Variants in DPP3 observed in about 807,000 individuals in gnomAD.
The protein encoded by DPP3 is dipeptidyl peptidase 3, also known as DPP III.
DPP3 carries 64 observed loss-of-function variants against 89.8 expected under a neutral mutation model. That is an observed-to-expected ratio of 0.71 (90% CI 0.58 to 0.88). The LOEUF is 0.88. Among genes scored for constraint, DPP3 ranks in the 40% least tolerant of loss-of-function variants. The pLI, the probability that DPP3 is intolerant of heterozygous loss-of-function variation, is 0.00. For synonymous variants in DPP3, 377 were observed against 404.3 expected, an observed-to-expected ratio of 0.93 and a Z score of 0.81; for missense variants, 835 against 972.5, an observed-to-expected ratio of 0.86 and a Z score of 1.88.
At chr11:66,484,380 G>T (rs1441057294) in intron 2 of DPP3, among the ~76,000 whole-genome samples, 1 of 152,124 alleles carries the variant, frequency 6.6e-6, no homozygotes, top group African/African-American at 2.4e-5. Flanking sequence ...TCCAGGTCTA[G>T]AGGAAGTTTC....
intron 17 of DPP3, among the ~76,000 whole-genome samples, chr11:66,507,563 G>A (rs559238829): frequency 6.6e-6 from 1 of 152,246 alleles, no homozygotes; most frequent in African/African-American, 2.4e-5. Context: ...ACACTTAGAG[G>A]AGGGAAGATC....
At position 66,497,432 on chromosome 11, in the gene DPP3, G is replaced by C. The variant is rs1160344384; in HGVS notation, c.1833G>C (p.Arg611=). ...ARVRLDRSKI[R]SVGKPALERF... The stretch of plus-strand genomic sequence containing the variant: ...TCCGCCTCGACCGCAGCAAGATCCG[G>C]TCTGTGGGCAAGCCTGCTCTAGAGC... The change falls in exon 16 of 18, where the codon CGG becomes CGC. Residue 611 remains arginine, a synonymous_variant. Coordinates refer to ENST00000531863, the MANE Select transcript of DPP3 (RefSeq NM_130443.4). 1 of 1,614,024 alleles carries C rather than the reference G, an allele frequency of 6.2e-7. No homozygotes were observed. The highest frequency in any genetic ancestry group is 1.7e-5 in the Admixed American group (1 of 60,034).
chr11:66,480,581 A>G, intron 1 of DPP3, 116 bp downstream of exon 1: 2 of 1,222,590 alleles, frequency 1.6e-6, no homozygotes, highest in Non-Finnish European at 2.2e-6. Flanking sequence ...TACCCCCTCC[A>G]AATTCACCCC....
chr11:66,501,396 AGAG>A (rs1221263696), intron 16 of DPP3, among the ~76,000 whole-genome samples: 2 of 151,984 alleles, frequency 1.3e-5, no homozygotes, highest in African/African-American at 2.4e-5. Context: ...CATGAACAGT[AGAG>A]GAGATGAAGT....
intron 16 of DPP3, among the ~76,000 whole-genome samples, chr11:66,498,507 G>A (rs936261961): frequency 1.3e-5 from 2 of 152,208 alleles, no homozygotes; most frequent in Admixed American, 1.3e-4. Flanking sequence ...GGGATTACAG[G>A]TGTGAGGCAC....
intron 6 of DPP3, among the ~76,000 whole-genome samples, chr11:66,489,418 T>C (rs1283201999): frequency 1.3e-5 from 2 of 152,046 alleles, no homozygotes; most frequent in Admixed American, 1.3e-4. Context: ...GTCTCCCTGG[T>C]GCCTAGCGCT....
rs200178420 is a variant in DPP3 at position 66,491,702 on chromosome 11, A to G, written c.934A>G (p.Ile312Val). 72 of 1,602,260 alleles carry G rather than the reference A, an allele frequency of 4.5e-5. No homozygotes were observed. Among genetic ancestry groups the G allele is most frequent in the Non-Finnish European group, 5.2e-5 (61 of 1,177,946 alleles). Residue 312 changes from isoleucine to valine, a missense_variant, in exon 9 of 18, where the codon ATC becomes GTC. Coordinates refer to ENST00000531863, the MANE Select transcript of DPP3 (RefSeq NM_130443.4). ...CTCTGCCCTTCTCTCCCCCAGTTACATCGGGTTCATCGAGAGCTACCGCGA... is the reference window on the plus strand; with the variant it reads ...CTCTGCCCTTCTCTCCCCCAGTTACGTCGGGTTCATCGAGAGCTACCGCGA... ...QDKGPIVESY[I>V]GFIESYRDPF...
rs1192327159 is a variant in DPP3 at position 66,509,472 on chromosome 11, T to C, written c.*221T>C. ...CTCATTTCATCTGCACTGCCATACG[T>C]GGAGTGAGCAAGACAGGGCTTACCA... On this transcript the variant is annotated 3_prime_UTR_variant, in exon 18 of 18. Coordinates refer to ENST00000531863, the MANE Select transcript of DPP3 (RefSeq NM_130443.4). 7.6e-6 allele frequency: 11 copies of C among 1,446,298 alleles called. No homozygotes were observed. Among genetic ancestry groups the C allele is most frequent in the Non-Finnish European group, 5.6e-6 (6 of 1,065,904 alleles). 89.6% of individuals were successfully genotyped at this position (1,446,298 alleles called of 1,614,324 possible). A position where few individuals can be genotyped will look rare whatever the true frequency, so the allele number is the denominator to read the frequency against.
chr11:66,493,594 C>T lies in DPP3; in HGVS notation c.1350C>T (p.His450=), dbSNP rs200308709. The change falls in exon 12 of 18, where the codon CAC becomes CAT. Residue 450 remains histidine (H), a synonymous_variant. Transcript: ENST00000531863. The part of the protein sequence containing the change: ...GPSFDVQVGL[H]ELLGHGSGKL... ...CCTTCGATGTGCAGGTGGGCCTGCA[C>T]GAGCTGCTGGGCCATGGCAGTGGCA... 1.3e-5 allele frequency: 21 copies of T among 1,612,864 alleles called. No individual in the cohort carries two copies. Among genetic ancestry groups the T allele is most frequent in the East Asian group, 2.2e-5 (1 of 44,890 alleles).
At chr11:66,480,519 A>C (rs929149744) in intron 1 of DPP3, 54 bp downstream of exon 1, 2 of 1,469,142 alleles carry the variant, frequency 1.4e-6, no homozygotes, top group African/African-American at 1.5e-5. Context: ...CCGGGGGACC[A>C]AGGCGAATCC....
chr11:66,507,551 G>C (rs1474293517), intron 17 of DPP3, among the ~76,000 whole-genome samples: 1 of 152,032 alleles, frequency 6.6e-6, no homozygotes, highest in Non-Finnish European at 1.5e-5. Context: ...ACAGAACTCT[G>C]AACACTTAGA....
At chr11:66,496,568 C>T (rs1227653386) in intron 15 of DPP3, among the ~76,000 whole-genome samples, 22 of 152,098 alleles carry the variant, frequency 1.4e-4, no homozygotes, top group Non-Finnish European at 3.2e-4. Context: ...GCATGCACCA[C>T]CACGCCCAGC....
At position 66,486,696 on chromosome 11, in the gene DPP3, C is replaced by G. The variant is rs868319708; in HGVS notation, c.498+19C>G. ...GAAGGAGGTGAGGCCCCTGACTCCC[C>G]CGAGGGGACAGGGAGTGGAGGGAAT... On this transcript the variant is annotated intron_variant, in intron 4 of 17. Transcript: ENST00000531863. 1.7e-5 allele frequency: 25 copies of G among 1,489,048 alleles called. No homozygotes were observed. In the Middle Eastern group the frequency reaches 4.5e-3, roughly 269 times the overall value. 92.2% of individuals were successfully genotyped at this position (1,489,048 alleles called of 1,614,324 possible).
At chr11:66,482,574 C>T in intron 2 of DPP3, 104 bp downstream of exon 2, 1 of 1,476,392 alleles carries the variant, frequency 6.8e-7, no homozygotes, top group Non-Finnish European at 9.1e-7. Flanking sequence ...AGGATTAGAC[C>T]AAAGGTTACA....
rs777431432 is a variant in DPP3, at chr11:66,485,215, A to C, written c.313A>C (p.Asn105His). 5 of 1,614,142 alleles carry C rather than the reference A, an allele frequency of 3.1e-6. No individual in the cohort carries two copies. Among genetic ancestry groups the C allele is most frequent in the Non-Finnish European group, 4.2e-6 (5 of 1,180,016 alleles). The change falls in exon 3 of 18, where the codon AAC becomes CAC. Residue 105 changes from asparagine (N) to histidine (H), a missense_variant. Transcript: ENST00000531863. ...YAAGVYSNMGNYKSFGDTKFV... is the reference protein window; with the variant it reads ...YAAGVYSNMGHYKSFGDTKFV... ...CGCGGGTGTTTACTCCAACATGGGC[A>C]ACTACAAGTCCTTTGGTGACACCAA...
intron 16 of DPP3, among the ~76,000 whole-genome samples, chr11:66,500,801 A>G (rs1565274854): frequency 6.6e-6 from 1 of 152,204 alleles, no homozygotes; most frequent in Non-Finnish European, 1.5e-5. Flanking sequence ...CACGCCTGTA[A>G]TCCCAGCACT....
chr11:66,492,310 C>T, intron 9 of DPP3: 1 of 189,362 alleles, frequency 5.3e-6, no homozygotes, highest in Non-Finnish European at 1.1e-5. Context: ...AGGGGACCCA[C>T]CTGTGCAAGG....
At chr11:66,491,218 A>T in intron 6 of DPP3, 35 bp from the exon 7 acceptor site, 1 of 1,611,430 alleles carries the variant, frequency 6.2e-7, no homozygotes, top group East Asian at 2.2e-5. Flanking sequence ...CTCTTACTCC[A>T]GCCTTTTCTC....
rs200854534 is a variant in DPP3, at chr11:66,497,378, A to G, written c.1779A>G (p.Thr593=). 3 of 1,614,014 alleles carry G rather than the reference A, an allele frequency of 1.9e-6. No individual in the cohort carries two copies. Among genetic ancestry groups the G allele is most frequent in the Non-Finnish European group, 2.5e-6 (3 of 1,179,962 alleles). Residue 593 remains threonine (T), a synonymous_variant, in exon 16 of 18, where the codon ACA becomes ACG. Coordinates refer to ENST00000531863, the MANE Select transcript of DPP3 (RefSeq NM_130443.4). ...GEGLVTITPT[T]GSDGRPDARV... ...GACTCGTTACCATCACTCCCACCAC[A>G]GGCTCCGATGGGCGCCCAGATGCCC...
Sources: gnomAD v4.1 joint callset for allele counts (sites outside exome capture counted in the v4.1 genomes callset) on GRCh38, gnomAD v4.1.1 for gene constraint, MANE v1.5 for transcripts, NCBI Gene and HGNC (gene_info 2026-07-23, HGNC 2026-07-21) for gene names.